The following SATB2 variants were observed in gnomAD, a reference collection of about 807,000 sequenced individuals.
The protein encoded by SATB2 is DNA-binding protein SATB2.
A neutral mutation model predicts 73.4 loss-of-function variants in SATB2; 1 was observed. That is an observed-to-expected ratio of 0.01 (90% CI 0.00 to 0.06). The LOEUF is 0.06. SATB2 is among the 10% of genes least tolerant of loss of function. The pLI, the probability that SATB2 is intolerant of heterozygous loss-of-function variation, is 1.00. For synonymous variants in SATB2, 397 were observed against 367.0 expected, an observed-to-expected ratio of 1.08 and a Z score of -0.93; for missense variants, 459 against 945.8, an observed-to-expected ratio of 0.49 and a Z score of 6.75.
intron 5 of SATB2, among the ~76,000 whole-genome samples, chr2:199,379,420 T>C (rs1351332027): frequency 6.6e-6 from 1 of 152,152 alleles, no homozygotes; most frequent in Non-Finnish European, 1.5e-5. Flanking sequence ...CAATAAATCA[T>C]GCATAGATGG....
chr2:199,313,821 T>C (rs1290940636), intron 9 of SATB2, among the ~76,000 whole-genome samples: 1 of 152,208 alleles, frequency 6.6e-6, no homozygotes, highest in East Asian at 1.9e-4. Context: ...GTTCACAATT[T>C]AAGAACATTA....
intron 10 of SATB2, among the ~76,000 whole-genome samples, chr2:199,300,173 AGGAG>A (rs1287591630): frequency 6.9e-6 from 1 of 145,898 alleles, no homozygotes; most frequent in African/African-American, 2.5e-5. Context: ...GAGAGAGGGA[AGGAG>A]GGAGGGAGGC....
intron 3 of SATB2, 133 bp downstream of exon 3, chr2:199,433,205 A>G (rs1574624937): frequency 4.5e-6 from 4 of 890,340 alleles, no homozygotes; most frequent in East Asian, 2.7e-5. Flanking sequence ...GAAATATTCT[A>G]CTGCTCACTA....
Position 199,323,788 on chromosome 2 carries a change from T to C in SATB2, c.1542+15A>G, listed in dbSNP as rs748081465. ...AATTCCAGCCCTCGATTTTGCTTTT[T>C]TAAAAACCACTCACCTGACTTTTAT... On this transcript the variant is annotated intron_variant, in intron 9 of 10. Coordinates refer to ENST00000417098, the MANE Select transcript of SATB2 (RefSeq NM_001172509.2). 1.9e-6 allele frequency: 3 copies of C among 1,613,280 alleles called. No individual in the cohort carries two copies. In the Admixed American group the frequency reaches 5.0e-5, roughly 27 times the overall value.
At chr2:199,391,211 C>T (rs1231872672) in intron 3 of SATB2, among the ~76,000 whole-genome samples, 3 of 151,870 alleles carry the variant, frequency 2.0e-5, no homozygotes, top group East Asian at 1.9e-4. Context: ...TTAGGGAGGC[C>T]GAGGCGGGTG....
chr2:199,368,770 G>A lies in SATB2; in HGVS notation c.598-63C>T. 3 of 971,424 alleles carry A rather than the reference G, an allele frequency of 3.1e-6. No homozygotes were observed. In the South Asian group the frequency reaches 4.1e-5, roughly 13 times the overall value. The allele number at this position is 971,424 out of a possible 1,614,324, so 60.2% of individuals were successfully genotyped here. ...ACTACTTCTTTTTAGGGACAAGAAAGAGCACTTTATAACCTGCACTAACCT... is the reference window on the plus strand; with the variant it reads ...ACTACTTCTTTTTAGGGACAAGAAAAAGCACTTTATAACCTGCACTAACCT... On this transcript the variant is annotated intron_variant, in intron 5 of 10. Transcript: ENST00000417098.
intron 9 of SATB2, among the ~76,000 whole-genome samples, chr2:199,315,535 T>C (rs1687707803): frequency 6.6e-6 from 1 of 152,072 alleles, no homozygotes; most frequent in Admixed American, 6.5e-5. Flanking sequence ...TCCATGGTAC[T>C]GAAATGCCAC....
At chr2:199,442,963 T>C (rs1441348600) in intron 2 of SATB2, among the ~76,000 whole-genome samples, 1 of 151,726 alleles carries the variant, frequency 6.6e-6, no homozygotes, top group Non-Finnish European at 1.5e-5. Flanking sequence ...CCATAATTTA[T>C]GAATGCTAGG....
chr2:199,318,776 AT>A (rs1687804022), intron 9 of SATB2, among the ~76,000 whole-genome samples: 1 of 151,282 alleles, frequency 6.6e-6, no homozygotes, highest in Non-Finnish European at 1.5e-5. Flanking sequence ...AAAAACAAAA[AT>A]TAATTACTCT....
At chr2:199,289,963 C>T (rs545020609) in intron 10 of SATB2, among the ~76,000 whole-genome samples, 76 of 152,358 alleles carry the variant, frequency 5.0e-4, no homozygotes, top group Non-Finnish European at 9.8e-4. Flanking sequence ...CCTGTCACAG[C>T]CAACCGAACA....
chr2:199,429,021 A>G (rs1691419885), intron 3 of SATB2, among the ~76,000 whole-genome samples: 1 of 151,388 alleles, frequency 6.6e-6, no homozygotes, highest in African/African-American at 2.4e-5. Context: ...AAAAAAAAAA[A>G]AAGAAAGAAA....
chr2:199,433,563 C>A, intron 2 of SATB2, 49 bp from the exon 3 acceptor site: 2 of 1,547,350 alleles, frequency 1.3e-6, no homozygotes, highest in African/African-American at 1.4e-5. Flanking sequence ...AAAAGCAAAT[C>A]TCAGTCACCA....
chr2:199,466,567 G>A (rs1692597067), upstream of SATB2, among the ~76,000 whole-genome samples: 1 of 152,160 alleles, frequency 6.6e-6, no homozygotes, highest in African/African-American at 2.4e-5. Flanking sequence ...CAAGGAAAGT[G>A]CAGGGCCAAG....
chr2:199,454,330 A>G (rs1391736279), intron 2 of SATB2, among the ~76,000 whole-genome samples: 1 of 152,146 alleles, frequency 6.6e-6, no homozygotes, highest in African/African-American at 2.4e-5. Context: ...ACTTTGGAAC[A>G]CACTGTCTCC....
At chr2:199,453,930 G>A (rs1692200956) in intron 2 of SATB2, among the ~76,000 whole-genome samples, 1 of 151,988 alleles carries the variant, frequency 6.6e-6, no homozygotes, top group Non-Finnish European at 1.5e-5. Flanking sequence ...AATTTGGGAA[G>A]CAGCTAATAA....
chr2:199,338,057 C>T (rs923897266), intron 7 of SATB2, among the ~76,000 whole-genome samples: 1 of 152,070 alleles, frequency 6.6e-6, no homozygotes, highest in African/African-American at 2.4e-5. Flanking sequence ...CAACAATGGA[C>T]TTTCACATTA....
intron 9 of SATB2, among the ~76,000 whole-genome samples, chr2:199,322,187 CTGCTTATAAA>C (rs1687910485): frequency 6.6e-6 from 1 of 152,174 alleles, no homozygotes; most frequent in African/African-American, 2.4e-5. Flanking sequence ...TTCTTGAAAG[CTGCTTATAAA>C]AGAAGGACTG....
chr2:199,342,165 G>A (rs1413509420), intron 7 of SATB2, among the ~76,000 whole-genome samples: 1 of 152,236 alleles, frequency 6.6e-6, no homozygotes, highest in East Asian at 1.9e-4. Context: ...ACCATGGGCC[G>A]GGGAGCGGGG....
intron 2 of SATB2, among the ~76,000 whole-genome samples, chr2:199,447,964 G>A (rs1335388654): frequency 6.6e-6 from 1 of 151,866 alleles, no homozygotes; most frequent in Non-Finnish European, 1.5e-5. Context: ...ATCTGTTTTC[G>A]ATCACTGCTT....
Sources: allele counts gnomAD v4.1 joint callset (sites outside exome capture counted in the v4.1 genomes callset), GRCh38; gene constraint gnomAD v4.1.1; transcripts MANE v1.5; gene names NCBI Gene and HGNC (gene_info 2026-07-23, HGNC 2026-07-21).